Variants in KATNAL2 observed in about 807,000 individuals in gnomAD.
The protein encoded by KATNAL2 is katanin catalytic subunit A1 like 2, also known as katanin p60 ATPase-containing subunit A-like 2.
KATNAL2 carries 52 observed loss-of-function variants against 76.3 expected under a neutral mutation model. The observed-to-expected ratio is 0.68, with a 90% CI of 0.55 to 0.86. The LOEUF (loss-of-function observed/expected upper bound fraction) is 0.86, where lower values mean the gene tolerates loss of function less well. Among genes scored for constraint, KATNAL2 ranks in the 40% least tolerant of loss-of-function variants. The pLI, the probability that KATNAL2 is intolerant of heterozygous loss-of-function variation, is 0.00. For missense variants in KATNAL2, 660 were observed against 668.9 expected, an observed-to-expected ratio of 0.99 and a Z score of 0.15; for synonymous variants, 243 against 244.2, an observed-to-expected ratio of 1.00 and a Z score of 0.05.
intron 15 of KATNAL2, among the ~76,000 whole-genome samples, chr18:47,086,130 T>C (rs1805041029): frequency 1.3e-5 from 2 of 152,116 alleles, no homozygotes; most frequent in South Asian, 4.1e-4. Context: ...TGTGACTCTC[T>C]ATGAAAAATA....
intron 1 of KATNAL2, among the ~76,000 whole-genome samples, chr18:46,934,660 C>A (rs1298512293): frequency 1.3e-5 from 2 of 152,152 alleles, no homozygotes; most frequent in African/African-American, 4.8e-5. Flanking sequence ...TAATTAGATT[C>A]CATTTGTCAG....
chr18:46,948,468 G>A (rs962759364), intron 3 of KATNAL2, among the ~76,000 whole-genome samples: 2 of 139,782 alleles, frequency 1.4e-5, no homozygotes, highest in African/African-American at 2.7e-5. Flanking sequence ...CTTGTTGCCC[G>A]GGCTGGAGTG....
At chr18:47,042,994 A>C (rs930887969) in intron 3 of KATNAL2, among the ~76,000 whole-genome samples, 1 of 152,094 alleles carries the variant, frequency 6.6e-6, no homozygotes, top group African/African-American at 2.4e-5. Flanking sequence ...TTGGGAGGCC[A>C]AGGCGGGCGG....
chr18:47,093,492 T>TTGTG (rs60759719), intron 15 of KATNAL2, among the ~76,000 whole-genome samples: 5 of 150,176 alleles, frequency 3.3e-5, no homozygotes, highest in Admixed American at 1.3e-4. Flanking sequence ...CATTTCGAAT[T>TTGTG]TGTGTGTGTG....
chr18:47,032,184 G>T (rs889145254), intron 3 of KATNAL2, among the ~76,000 whole-genome samples: 1 of 152,188 alleles, frequency 6.6e-6, no homozygotes. Flanking sequence ...AAACTATTTT[G>T]GCTTAACGCA....
At chr18:47,031,392 C>G (rs902280181) in intron 3 of KATNAL2, among the ~76,000 whole-genome samples, 3 of 151,470 alleles carry the variant, frequency 2.0e-5, no homozygotes, top group Non-Finnish European at 2.9e-5. Flanking sequence ...TTTAATTTCT[C>G]GTGTGACTTT....
At chr18:46,965,576 T>TCCCCA (rs1446702107) in intron 3 of KATNAL2, among the ~76,000 whole-genome samples, 1 of 68,634 alleles carries the variant, frequency 1.5e-5, no homozygotes, top group Non-Finnish European at 3.0e-5. Context: ...CCCTCTAGCA[T>TCCCCA]CCCCGCCCCC....
intron 15 of KATNAL2, chr18:47,084,315 C>A (rs1433137081): frequency 2.8e-6 from 2 of 702,644 alleles, no homozygotes; most frequent in Non-Finnish European, 5.2e-6. Flanking sequence ...CAGATGTAAC[C>A]CTTGTTCTTT....
At position 47,052,883 on chromosome 18, in the gene KATNAL2, T is replaced by C; in HGVS notation, c.126T>C (p.Tyr42=). 1.2e-6 allele frequency: 2 copies of C among 1,600,302 alleles called. No individual in the cohort carries two copies. The highest frequency in any genetic ancestry group is 1.7e-6 in the Non-Finnish European group (2 of 1,175,678). ...LISHYLTQEG[Y]IDTANALEQE... is the part of the protein sequence containing the mutation. Reference sequence around the variant, plus strand: ...TTTTATTCTGTGAAACTGCCAGGTATATCGATACAGCAAATGCTTTGGAGC... The same window carrying C: ...TTTTATTCTGTGAAACTGCCAGGTACATCGATACAGCAAATGCTTTGGAGC... The change falls in exon 5 of 18, where the codon TAT becomes TAC. Residue 42 remains tyrosine (Y), a synonymous_variant. Transcript: ENST00000683218.
intron 10 of KATNAL2, among the ~76,000 whole-genome samples, chr18:47,066,569 A>C (rs1453173927): frequency 3.3e-5 from 5 of 152,108 alleles, no homozygotes. Flanking sequence ...TTGTGAGATC[A>C]AGGAGCAAGA....
chr18:46,921,722 CAT>C (rs1021833131), intron 1 of KATNAL2, among the ~76,000 whole-genome samples: 8 of 151,178 alleles, frequency 5.3e-5, no homozygotes, highest in African/African-American at 1.9e-4. Context: ...CATTAAGAAA[CAT>C]AATTAAGAAC....
intron 14 of KATNAL2, 113 bp downstream of exon 14, chr18:47,075,481 T>A: frequency 3.0e-6 from 2 of 663,730 alleles, no homozygotes; most frequent in Non-Finnish European, 4.5e-6. Context: ...ATGAGCCCAT[T>A]AATAAGCCCA....
At chr18:47,088,152 G>C (rs375613400) in intron 15 of KATNAL2, among the ~76,000 whole-genome samples, 10 of 152,176 alleles carry the variant, frequency 6.6e-5, no homozygotes, top group African/African-American at 2.4e-4. Flanking sequence ...CCTTTGGCTA[G>C]CGAGAGCAGG....
In KATNAL2 at chr18:47,099,013, TC is replaced by T. The variant is rs139433210; in HGVS notation, c.1212-228del. The T allele has an allele frequency of 6.9e-3, 2,695 of 392,862 alleles. 38 individuals carry two copies. Among genetic ancestry groups the T allele is most frequent in the Middle Eastern group, 0.034 (56 of 1,648 alleles). The allele number at this position is 392,862 out of a possible 1,614,324, so 24.3% of individuals were successfully genotyped here. The stretch of plus-strand genomic sequence containing the variant: ...CATCCTTCCTTCCTTCTCTTTCTTC[TC>T]CTTCCTTTCTGCTTTCCTCTCTTCC... On this transcript the variant is annotated intron_variant, in intron 15 of 17. Transcript: ENST00000683218.
chr18:46,955,091 C>G (rs2059685583), intron 3 of KATNAL2, among the ~76,000 whole-genome samples: 1 of 114,034 alleles, frequency 8.8e-6, no homozygotes, highest in African/African-American at 3.4e-5. Context: ...TCCTCCCTCC[C>G]TTCCTCCCTC....
chr18:46,918,355 T>C (rs1191381081), intron 1 of KATNAL2, among the ~76,000 whole-genome samples: 1 of 152,194 alleles, frequency 6.6e-6, no homozygotes, highest in Non-Finnish European at 1.5e-5. Context: ...TTTAAGGCCC[T>C]GTTTAATCAG....
At chr18:46,932,542 T>C (rs2058959440) in intron 1 of KATNAL2, among the ~76,000 whole-genome samples, 1 of 151,246 alleles carries the variant, frequency 6.6e-6, no homozygotes, top group Admixed American at 6.6e-5. Flanking sequence ...GGCATGGTGC[T>C]GTGCGCCTGT....
chr18:46,931,325 A>G (rs2058915403), intron 1 of KATNAL2, among the ~76,000 whole-genome samples: 2 of 151,212 alleles, frequency 1.3e-5, no homozygotes, highest in African/African-American at 4.8e-5. Flanking sequence ...ATAAATCAAA[A>G]TAAAATAAAA....
chr18:47,037,154 T>C (rs548711407), intron 3 of KATNAL2, among the ~76,000 whole-genome samples: 2 of 152,194 alleles, frequency 1.3e-5, no homozygotes, highest in Non-Finnish European at 2.9e-5. Flanking sequence ...TTAATCTCCA[T>C]TGCACCCGTA....
Sources: gnomAD v4.1 joint callset for allele counts (sites outside exome capture counted in the v4.1 genomes callset) on GRCh38, gnomAD v4.1.1 for gene constraint, MANE v1.5 for transcripts, NCBI Gene and HGNC (gene_info 2026-07-23, HGNC 2026-07-21) for gene names.